The following DMD variants were observed in gnomAD, a reference collection of about 807,000 sequenced individuals.
The protein encoded by DMD is mutant dystrophin.
In DMD, 63 loss-of-function variants were observed where a neutral mutation model predicts 330.1. The ratio of observed to expected loss-of-function variants is 0.19; its 90% confidence interval spans 0.16 to 0.24. The LOEUF (loss-of-function observed/expected upper bound fraction) is 0.24, where lower values mean the gene tolerates loss of function less well. DMD is among the 10% of genes least tolerant of loss of function. The probability of loss-of-function intolerance (pLI) is 1.00; values close to 1 mark genes in which losing one functional copy is unlikely to be tolerated. For missense variants in DMD, 3,344 were observed against 2,684.1 expected (o/e 1.25, Z -5.43); for synonymous variants, 1,223 against 959.8 (o/e 1.27, Z -5.07).
intron 7 of DMD, among the ~76,000 whole-genome samples, chrX:32,775,375 C>T (rs946050304): frequency 1.8e-5 from 2 of 112,805 alleles, no homozygotes; most frequent in African/African-American, 3.2e-5. Context: ...CATTTCCCCC[C>T]TGCATTGCCC....
chrX:33,321,818 G>A (rs1432433966), intron 1 of DMD, among the ~76,000 whole-genome samples: 1 of 111,421 alleles, frequency 9.0e-6, no homozygotes, highest in Non-Finnish European at 1.9e-5. Context: ...TAGAACTTCT[G>A]GATAACTTGC....
At chrX:32,083,810 C>A (rs1302014432) in intron 44 of DMD, among the ~76,000 whole-genome samples, 3 of 112,666 alleles carry the variant, frequency 2.7e-5, no homozygotes, top group Non-Finnish European at 3.8e-5. Flanking sequence ...TCTGTTCTAG[C>A]CTCCTCTTCT....
intron 55 of DMD, among the ~76,000 whole-genome samples, chrX:31,512,985 T>A (rs1340666192): frequency 9.4e-6 from 1 of 106,513 alleles, no homozygotes; most frequent in East Asian, 3.0e-4. Flanking sequence ...TGTTCTTCCA[T>A]TTGTTTGTGT....
chrX:32,071,555 GC>G (rs1169367521), intron 44 of DMD, among the ~76,000 whole-genome samples: 1 of 105,661 alleles, frequency 9.5e-6, no homozygotes, highest in Non-Finnish European at 1.9e-5. Context: ...TATACCTAAT[GC>G]TAAATGACGA....
chrX:32,484,612 C>T (rs2042239411), intron 21 of DMD, among the ~76,000 whole-genome samples: 1 of 111,956 alleles, frequency 8.9e-6, no homozygotes, highest in Non-Finnish European at 1.9e-5. Flanking sequence ...ATTCATATGA[C>T]CTCAACTGCT....
rs560505525 is a variant in DMD, at chrX:31,369,009, G to A, written c.9085-20375C>T. On this transcript the variant is annotated intron_variant, in intron 60 of 78. Coordinates refer to ENST00000357033, the MANE Select transcript of DMD (RefSeq NM_004006.3). ...ACTACAAAGCCAGGTCTTAGGATAG[G>A]TCTCACCATCATTAAACCTGGACTC... Among the ~76,000 whole-genome samples the A allele has an allele frequency of 2.7e-5, 3 of 111,562 alleles. No homozygotes were observed. In the South Asian group the frequency reaches 1.1e-3, roughly 43 times the overall value.
At chrX:32,924,597 C>T (rs187590167) in intron 2 of DMD, among the ~76,000 whole-genome samples, 13 of 112,026 alleles carry the variant, frequency 1.2e-4, no homozygotes, top group East Asian at 2.8e-4. Flanking sequence ...TGGATTACAA[C>T]ATATTTCAAA....
At chrX:33,054,596 A>G (rs2094496502) in intron 1 of DMD, among the ~76,000 whole-genome samples, 1 of 112,561 alleles carries the variant, frequency 8.9e-6, no homozygotes, top group Non-Finnish European at 1.9e-5. Flanking sequence ...TTATTCAGTT[A>G]AATTTATTTT....
At chrX:32,713,148 T>G (rs1036619754) in intron 7 of DMD, among the ~76,000 whole-genome samples, 9 of 112,205 alleles carry the variant, frequency 8.0e-5, no homozygotes, top group African/African-American at 2.9e-4. Context: ...ATCACCTGTT[T>G]GAAAATAATT....
At chrX:32,249,707 C>G (rs2097255733) in intron 43 of DMD, among the ~76,000 whole-genome samples, 1 of 111,828 alleles carries the variant, frequency 8.9e-6, no homozygotes, top group African/African-American at 3.2e-5. Context: ...AGCTACAAAT[C>G]TGGCTTTCTC....
intron 63 of DMD, among the ~76,000 whole-genome samples, chrX:31,224,907 A>G (rs1322219945): frequency 8.9e-6 from 1 of 112,301 alleles, no homozygotes; most frequent in Non-Finnish European, 1.9e-5. Context: ...ATACTGTTTG[A>G]TTTCACTTAT....
At chrX:31,641,352 A>C (rs1474682257) in intron 54 of DMD, among the ~76,000 whole-genome samples, 1 of 109,842 alleles carries the variant, frequency 9.1e-6, no homozygotes, top group Non-Finnish European at 1.9e-5. Context: ...ATACAAAAAA[A>C]ATTAGCAGGG....
intron 11 of DMD, among the ~76,000 whole-genome samples, chrX:32,642,358 G>A (rs1430406817): frequency 5.4e-5 from 6 of 112,139 alleles, no homozygotes; most frequent in African/African-American, 1.9e-4. Flanking sequence ...GGCTCTCCTT[G>A]CCTTCTTAAT....
intron 41 of DMD, among the ~76,000 whole-genome samples, chrX:32,328,708 G>T (rs1432876700): frequency 1.8e-5 from 2 of 109,288 alleles, no homozygotes; most frequent in African/African-American, 6.6e-5. Flanking sequence ...AAAACTATTA[G>T]GGAACATCAC....
At chrX:31,374,780 A>T (rs918889304) in intron 60 of DMD, among the ~76,000 whole-genome samples, 12 of 108,974 alleles carry the variant, frequency 1.1e-4, no homozygotes, top group Non-Finnish European at 2.1e-4. Flanking sequence ...CATGTAACTA[A>T]CCTGCACATT....
intron 50 of DMD, among the ~76,000 whole-genome samples, chrX:31,794,335 G>C (rs2091720869): frequency 9.0e-6 from 1 of 111,666 alleles, no homozygotes; most frequent in South Asian, 3.7e-4. Context: ...ATTGAGAGGA[G>C]CGCTAAATGC....
intron 1 of DMD, among the ~76,000 whole-genome samples, chrX:33,081,996 T>C (rs748076952): frequency 9.2e-6 from 1 of 108,206 alleles, no homozygotes; most frequent in Non-Finnish European, 1.9e-5. Flanking sequence ...GGTTCTGTGG[T>C]GCCTCCTCTG....
chrX:33,036,507 A>G (rs1395558523), intron 1 of DMD, among the ~76,000 whole-genome samples: 1 of 110,851 alleles, frequency 9.0e-6, no homozygotes, highest in East Asian at 2.8e-4. Context: ...TAGTCTTGCA[A>G]TTACTATCAA....
At chrX:31,476,351 T>G (rs1406576555) in intron 59 of DMD, among the ~76,000 whole-genome samples, 2 of 102,155 alleles carry the variant, frequency 2.0e-5, no homozygotes, top group African/African-American at 3.6e-5. Flanking sequence ...TCTATGTATA[T>G]ATGTATATAT....
Sources: allele counts gnomAD v4.1 joint callset (sites outside exome capture counted in the v4.1 genomes callset), GRCh38; gene constraint gnomAD v4.1.1; transcripts MANE v1.5; gene names NCBI Gene and HGNC (gene_info 2026-07-23, HGNC 2026-07-21).